Variants in WDR17 observed in about 807,000 individuals in gnomAD.
The protein encoded by WDR17 is WD repeat domain 17, also known as WD repeat-containing protein 17.
Under a neutral mutation model 161.7 loss-of-function variants are expected in WDR17, and 143 were observed. The ratio of observed to expected loss-of-function variants is 0.88; its 90% CI spans 0.77 to 1.02. WDR17 has a LOEUF of 1.02. Ranked by LOEUF, WDR17 falls within the 50% of genes least tolerant of loss-of-function variation. The probability of loss-of-function intolerance (pLI) is 0.00; values close to 1 mark genes in which losing one functional copy is unlikely to be tolerated. For synonymous variants in WDR17, 517 were observed against 515.6 expected (o/e 1.00, Z -0.04); for missense variants, 1,469 against 1,520.9 (o/e 0.97, Z 0.57).
At chr4:176,094,186 A>G (rs1736498212) in intron 1 of WDR17, among the ~76,000 whole-genome samples, 1 of 152,200 alleles carries the variant, frequency 6.6e-6, no homozygotes, top group Non-Finnish European at 1.5e-5. Flanking sequence ...CATTTTACTT[A>G]GATACATTTC....
intron 1 of WDR17, among the ~76,000 whole-genome samples, chr4:176,101,428 A>G (rs527779810): frequency 3.9e-5 from 6 of 152,308 alleles, no homozygotes; most frequent in Admixed American, 6.5e-5. Flanking sequence ...AACAAAAGGC[A>G]AAAAAATACA....
At chr4:176,169,449 A>G (rs1289166064) in intron 23 of WDR17, among the ~76,000 whole-genome samples, 3 of 152,206 alleles carry the variant, frequency 2.0e-5, no homozygotes, top group Non-Finnish European at 4.4e-5. Context: ...ACAGTTAAAT[A>G]GAAAGCAGAT....
intron 5 of WDR17, 87 bp downstream of exon 5, chr4:176,125,442 T>A (rs1474457107): frequency 1.4e-6 from 2 of 1,478,058 alleles, no homozygotes; most frequent in African/African-American, 1.4e-5. Flanking sequence ...TAGGTTGATT[T>A]TGTGTAAAAT....
chr4:176,072,727 A>G (rs1266428212), intron 1 of WDR17, among the ~76,000 whole-genome samples: 1 of 152,200 alleles, frequency 6.6e-6, no homozygotes, highest in Non-Finnish European at 1.5e-5. Context: ...AGCACATAGT[A>G]TATTTACACT....
intron 2 of WDR17, 89 bp from the exon 3 acceptor site, chr4:176,115,707 G>A (rs1422377903): frequency 2.0e-6 from 2 of 1,023,138 alleles, no homozygotes; most frequent in Admixed American, 3.5e-5. Context: ...TTTCCTGTAT[G>A]TAGCTTTAGT....
At chr4:176,074,725 G>T (rs528802772) in intron 1 of WDR17, among the ~76,000 whole-genome samples, 1 of 150,486 alleles carries the variant, frequency 6.6e-6, no homozygotes, top group Admixed American at 6.6e-5. Context: ...CAAGCACTGG[G>T]ATTAAATACA....
chr4:176,153,951 A>G (rs1246508185), intron 17 of WDR17, among the ~76,000 whole-genome samples: 1 of 152,230 alleles, frequency 6.6e-6, no homozygotes, highest in Non-Finnish European at 1.5e-5. Context: ...TTTAAACAGC[A>G]TTACTGCAGA....
At chr4:176,095,597 C>A (rs933026293) in intron 1 of WDR17, among the ~76,000 whole-genome samples, 3 of 151,798 alleles carry the variant, frequency 2.0e-5, no homozygotes, top group Non-Finnish European at 4.4e-5. Flanking sequence ...TGTAATTTCC[C>A]CCCTCCCCTA....
In WDR17 at chr4:176,139,899, C is replaced by CA; in HGVS notation, c.1370dup (p.Asn457LysfsTer11). On this transcript the variant is annotated frameshift_variant, in exon 10 of 29. Coordinates refer to ENST00000508596, the MANE Select transcript of WDR17 (RefSeq NM_181265.4). LOFTEE classifies it high-confidence loss of function. Reference sequence around the variant, plus strand: ...ATTTTACATTTTTTGAAGCATGGAACAAATGGAATATTCTGCATTGCCTGG... The same window carrying CA: ...ATTTTACATTTTTTGAAGCATGGAACAAAATGGAATATTCTGCATTGCCTGG... The CA allele has an allele frequency of 6.2e-7, 1 of 1,606,784 alleles. No homozygotes were observed. Among genetic ancestry groups the CA allele is most frequent in the Non-Finnish European group, 8.5e-7 (1 of 1,177,098 alleles).
chr4:176,119,152 A>G (rs921475090), intron 3 of WDR17, among the ~76,000 whole-genome samples: 1 of 152,038 alleles, frequency 6.6e-6, no homozygotes, highest in African/African-American at 2.4e-5. Flanking sequence ...TTTGATCACA[A>G]TAGCAGGTAT....
chr4:176,150,418 A>G, intron 15 of WDR17, 50 bp from the exon 16 acceptor site: 1 of 1,561,740 alleles, frequency 6.4e-7, no homozygotes. Context: ...GCAAAATATT[A>G]TGAGGTTTTT....
rs1383681786 is a variant in WDR17 at position 176,135,285 on chromosome 4, T to G, written c.1267+9T>G. Reference sequence around the variant, plus strand: ...CCTTTCTTGGGCTCCAGGTAAGAGATATTTTATTGAAATTAGGAATACAAT... The same window carrying G: ...CCTTTCTTGGGCTCCAGGTAAGAGAGATTTTATTGAAATTAGGAATACAAT... On this transcript the variant is annotated intron_variant, in intron 8 of 28. Coordinates refer to ENST00000508596, the MANE Select transcript of WDR17 (RefSeq NM_181265.4). 1.9e-6 allele frequency: 3 copies of G among 1,611,488 alleles called. No individual in the cohort carries two copies. Among genetic ancestry groups the G allele is most frequent in the East Asian group, 2.2e-5 (1 of 44,778 alleles).
chr4:176,177,368 C>T, intron 27 of WDR17, 103 bp from the exon 28 acceptor site: 2 of 1,172,360 alleles, frequency 1.7e-6, no homozygotes, highest in Non-Finnish European at 2.4e-6. Context: ...TTGTCTCCAT[C>T]AATAAAGGGG....
rs145860569 is a variant in WDR17 at position 176,143,758 on chromosome 4, T to C, written c.1529+1689T>C. Among the ~76,000 whole-genome samples the C allele has an allele frequency of 9.9e-5, 15 of 152,254 alleles. No homozygotes were observed. The East Asian group carries it at 2.9e-3, about 29-fold the overall frequency. On this transcript the variant is annotated intron_variant, in intron 11 of 28. Coordinates refer to ENST00000508596, the MANE Select transcript of WDR17 (RefSeq NM_181265.4). ...CCACTAAACCAATAACATTTGGGTTTTTTTAGAGTCCTGCAGAAACCTTCT... is the reference window on the plus strand; with the variant it reads ...CCACTAAACCAATAACATTTGGGTTCTTTTAGAGTCCTGCAGAAACCTTCT...
At chr4:176,108,163 T>C (rs536450446) in intron 1 of WDR17, among the ~76,000 whole-genome samples, 6 of 152,160 alleles carry the variant, frequency 3.9e-5, no homozygotes, top group African/African-American at 1.2e-4. Context: ...TTAATACCTT[T>C]GAATTGTACA....
rs114620724 is a variant in WDR17 at position 176,125,304 on chromosome 4, G to A, written c.739G>A (p.Val247Ile). The change falls in exon 5 of 29, where the codon GTA becomes ATA. Residue 247 changes from valine (V) to isoleucine (I), a missense_variant. Transcript: ENST00000508596. ...TAATCTTCCCAGTGCAGCAGCTTCTGTACAGTGCTTAGCCTGGGTTCCCAG... is the reference window on the plus strand; with the variant it reads ...TAATCTTCCCAGTGCAGCAGCTTCTATACAGTGCTTAGCCTGGGTTCCCAG... ...TFNLPSAAASVQCLAWVPSAP... is the reference protein window; with the variant it reads ...TFNLPSAAASIQCLAWVPSAP... The A allele has an allele frequency of 1.4e-3, 2,232 of 1,614,088 alleles. 4 individuals are homozygous for A. Among genetic ancestry groups the A allele is most frequent in the Non-Finnish European group, 1.7e-3 (2,057 of 1,180,014 alleles).
intron 24 of WDR17, 96 bp downstream of exon 24, chr4:176,172,612 A>G: frequency 1.8e-6 from 2 of 1,100,124 alleles, no homozygotes; most frequent in East Asian, 2.5e-5. Flanking sequence ...TTGCATTGCT[A>G]TAAAGAAATA....
chr4:176,177,138 G>C lies in WDR17; in HGVS notation c.3530G>C (p.Cys1177Ser). ...LSEELDAWRA[C>S]TQSTNRSLED... Reference sequence around the variant, plus strand: ...GAGGAATTGGATGCATGGAGAGCTTGCACACAGTCCACCAACAGGTGAGCA... The same window carrying C: ...GAGGAATTGGATGCATGGAGAGCTTCCACACAGTCCACCAACAGGTGAGCA... Residue 1177 changes from cysteine (C) to serine (S), a missense_variant, in exon 27 of 29, where the codon TGC becomes TCC. Cys to Ser is a moderately radical substitution (Grantham distance 112). Transcript: ENST00000508596. The C allele has an allele frequency of 6.2e-7, 1 of 1,613,632 alleles. No homozygotes were observed. Among genetic ancestry groups the C allele is most frequent in the Non-Finnish European group, 8.5e-7 (1 of 1,179,728 alleles).
intron 1 of WDR17, among the ~76,000 whole-genome samples, chr4:176,091,390 G>A (rs1007890780): frequency 6.6e-6 from 1 of 152,110 alleles, no homozygotes; most frequent in Non-Finnish European, 1.5e-5. Flanking sequence ...ATATGCTCCT[G>A]AATGACTGGT....
Sources: gnomAD v4.1 joint callset for allele counts (sites outside exome capture counted in the v4.1 genomes callset) on GRCh38, gnomAD v4.1.1 for gene constraint, MANE v1.5 for transcripts, NCBI Gene and HGNC (gene_info 2026-07-23, HGNC 2026-07-21) for gene names.